LTBP1: variants seen among roughly 807,000 people sequenced by gnomAD.
LTBP1 encodes latent transforming growth factor beta binding protein 1.
Under a neutral mutation model 207.6 loss-of-function variants are expected in LTBP1, and 129 were observed. The ratio of observed to expected loss-of-function variants is 0.62; its 90% confidence interval spans 0.54 to 0.72. LTBP1 has a LOEUF of 0.72. Among genes scored for constraint, LTBP1 ranks in the 30% least tolerant of loss-of-function variants. The probability of loss-of-function intolerance (pLI) is 0.00; values close to 1 mark genes in which losing one functional copy is unlikely to be tolerated. For synonymous variants in LTBP1, 963 were observed against 833.7 expected (o/e 1.16, Z -2.67); for missense variants, 2,281 against 2,217.2 (o/e 1.03, Z -0.58).
chr2:33,186,939 C>T lies in LTBP1; in HGVS notation c.1285C>T (p.Leu429Phe). 1.2e-6 allele frequency: 2 copies of T among 1,614,194 alleles called. No individual in the cohort carries two copies. The highest frequency in any genetic ancestry group is 1.7e-6 in the Non-Finnish European group (2 of 1,180,028). The change falls in exon 6 of 34, where the codon CTT (leucine) becomes TTT (phenylalanine). Residue 429 changes from leucine to phenylalanine, a missense_variant. By Grantham distance (22) the Leu-to-Phe change is conservative (BLOSUM62 0). Around this residue, in one of 3 missense-constraint regions of LTBP1, gnomAD observed 1,671 missense variants for 1,634.8 expected, o/e 1.02. Coordinates refer to ENST00000404816, the MANE Select transcript of LTBP1 (RefSeq NM_206943.4). ...CQCPPNFTGK[L>F]CQIPVHGASV... ...GTGCCCTCCAAATTTCACAGGAAAA[C>T]TTTGTCAGATCCCAGTCCATGGTGC...
intron 24 of LTBP1, among the ~76,000 whole-genome samples, chr2:33,339,007 A>G (rs928118426): frequency 6.6e-6 from 1 of 152,134 alleles, no homozygotes; most frequent in African/African-American, 2.4e-5. Context: ...TGCATTTTGC[A>G]GAGAGCACAT....
chr2:32,977,634 C>T (rs1572908476), intron 2 of LTBP1, among the ~76,000 whole-genome samples: 1 of 152,146 alleles, frequency 6.6e-6, no homozygotes, highest in East Asian at 1.9e-4. Flanking sequence ...GTTGGGTGTG[C>T]AGGGGCCTAG....
chr2:33,233,611 C>G (rs1458548694), intron 9 of LTBP1, among the ~76,000 whole-genome samples: 1 of 152,022 alleles, frequency 6.6e-6, no homozygotes, highest in Non-Finnish European at 1.5e-5. Flanking sequence ...CCTCCCCACC[C>G]TTTTCCTTTT....
At chr2:32,997,557 GA>G (rs756692009) in intron 2 of LTBP1, among the ~76,000 whole-genome samples, 9 of 152,086 alleles carry the variant, frequency 5.9e-5, no homozygotes, top group Non-Finnish European at 1.2e-4. Flanking sequence ...GAATCAAATG[GA>G]GAGCGGCTTC....
intron 2 of LTBP1, among the ~76,000 whole-genome samples, chr2:33,002,944 C>G (rs1486492876): frequency 6.6e-6 from 1 of 152,150 alleles, no homozygotes; most frequent in Non-Finnish European, 1.5e-5. Flanking sequence ...TCCCAAAATG[C>G]TGGGATTACA....
chr2:33,362,205 A>G (rs908309422), intron 28 of LTBP1, among the ~76,000 whole-genome samples: 3 of 152,008 alleles, frequency 2.0e-5, no homozygotes, highest in African/African-American at 4.8e-5. Context: ...TTTTTCCTTT[A>G]TAGTTTAATA....
intron 20 of LTBP1, among the ~76,000 whole-genome samples, chr2:33,294,477 G>A (rs142600070): frequency 1.1e-4 from 17 of 151,738 alleles, no homozygotes; most frequent in African/African-American, 3.9e-4. Context: ...GATTACAGGC[G>A]TGAGCCACCA....
chr2:33,229,087 T>C (rs1443245313), intron 9 of LTBP1, among the ~76,000 whole-genome samples: 1 of 152,188 alleles, frequency 6.6e-6, no homozygotes, highest in Non-Finnish European at 1.5e-5. Flanking sequence ...CTAATGCAGA[T>C]ACTAGCTAAT....
At chr2:33,388,526 C>T (rs1017677) in intron 31 of LTBP1, among the ~76,000 whole-genome samples, 58,033 of 151,998 alleles carry the variant, frequency 0.38, 13,738 homozygotes, top group African/African-American at 0.68. Context: ...TTTAGTGCAT[C>T]GATGTGTATT....
intron 5 of LTBP1, among the ~76,000 whole-genome samples, chr2:33,138,946 C>A (rs1320840982): frequency 1.4e-5 from 2 of 147,006 alleles, no homozygotes; most frequent in Non-Finnish European, 3.0e-5. Context: ...GCAAGCTCCG[C>A]CTCCCGGGTT....
At chr2:32,968,632 T>A (rs1680346395) in intron 2 of LTBP1, among the ~76,000 whole-genome samples, 1 of 152,226 alleles carries the variant, frequency 6.6e-6, no homozygotes, top group Non-Finnish European at 1.5e-5. Context: ...TGATTATTGA[T>A]ACAGTTGGAT....
intron 3 of LTBP1, among the ~76,000 whole-genome samples, chr2:33,098,147 C>T (rs1326655200): frequency 1.3e-5 from 2 of 152,138 alleles, no homozygotes; most frequent in Non-Finnish European, 2.9e-5. Context: ...AATTAATTAG[C>T]AAGGTGAGTG....
rs749494339 is a variant in LTBP1 at position 32,947,781 on chromosome 2, T to C, written c.457T>C (p.Ser153Pro). The change falls in exon 1 of 34, where the codon TCT becomes CCT. Residue 153 changes from serine to proline, a missense_variant. Around this residue, in one of 3 missense-constraint regions of LTBP1, gnomAD observed 555 missense variants for 491.0 expected, o/e 1.13. Coordinates refer to ENST00000404816, the MANE Select transcript of LTBP1 (RefSeq NM_206943.4). ...GCAGGAGACCCAGAGCGGCGGAGGC[T>C]CTAGGCTGCAGGTTCACCAGAAGCA... is the stretch of plus-strand genomic sequence containing the variant. ...VPQETQSGGGSRLQVHQKQQL... is the reference protein window; with the variant it reads ...VPQETQSGGGPRLQVHQKQQL... 3 of 1,500,204 alleles carry C rather than the reference T, an allele frequency of 2.0e-6. No homozygotes were observed. The highest frequency in any genetic ancestry group is 5.5e-5 in the East Asian group (2 of 36,270). 92.9% of individuals were successfully genotyped at this position (1,500,204 alleles called of 1,614,324 possible).
At chr2:33,291,118 C>A (rs1374391428) in intron 19 of LTBP1, among the ~76,000 whole-genome samples, 1 of 152,158 alleles carries the variant, frequency 6.6e-6, no homozygotes, top group Non-Finnish European at 1.5e-5. Flanking sequence ...TGGTTCCATG[C>A]AATTATGTCT....
intron 5 of LTBP1, among the ~76,000 whole-genome samples, chr2:33,177,675 GAAAC>G (rs1001124864): frequency 7.2e-5 from 11 of 152,088 alleles, no homozygotes; most frequent in African/African-American, 2.7e-4. Flanking sequence ...CTCAAAGAAA[GAAAC>G]AAAGAAAGAA....
chr2:33,053,506 G>A (rs371033308), intron 3 of LTBP1, among the ~76,000 whole-genome samples: 2 of 152,002 alleles, frequency 1.3e-5, no homozygotes, highest in Admixed American at 6.5e-5. Flanking sequence ...GCCCTCGCTC[G>A]CTCTCGGTGC....
intron 7 of LTBP1, among the ~76,000 whole-genome samples, chr2:33,214,098 A>T (rs1336536410): frequency 6.6e-6 from 1 of 152,262 alleles, no homozygotes; most frequent in African/African-American, 2.4e-5. Context: ...CTTGATTAGG[A>T]GATGAACCTA....
In LTBP1 at chr2:33,263,288, A is replaced by G. The variant is rs370746575; in HGVS notation, c.2519-6A>G. Reference sequence around the variant, plus strand: ...TTTTCTTTTTATCCTCTGCTTCCTCATATAGTAGTGATTGAAAAAACATCA... The same window carrying G: ...TTTTCTTTTTATCCTCTGCTTCCTCGTATAGTAGTGATTGAAAAAACATCA... On this transcript the variant is annotated splice_polypyrimidine_tract_variant and splice_region_variant and intron_variant, in intron 14 of 33. Transcript: ENST00000404816. 6.8e-5 allele frequency: 108 copies of G among 1,581,078 alleles called. No homozygotes were observed. Among genetic ancestry groups the G allele is most frequent in the Non-Finnish European group, 8.9e-5 (102 of 1,150,126 alleles).
chr2:33,235,588 A>G (rs2092004566), intron 9 of LTBP1, among the ~76,000 whole-genome samples: 2 of 152,246 alleles, frequency 1.3e-5, no homozygotes. Context: ...ATTCTACTAT[A>G]AAGACACATG....
Sources: gnomAD v4.1 joint callset for allele counts (sites outside exome capture counted in the v4.1 genomes callset) on GRCh38, gnomAD v4.1.1 for gene constraint, gnomAD v4.1.1 regional missense constraint, MANE v1.5 for transcripts, NCBI Gene and HGNC (gene_info 2026-07-23, HGNC 2026-07-21) for gene names.